Variants in GNAO1 observed in about 807,000 individuals in gnomAD.
The protein encoded by GNAO1 is G protein subunit alpha o1.
For synonymous variants in GNAO1, 164 were observed against 180.7 expected (o/e 0.91, Z 0.74); for missense variants, 166 against 478.7 (o/e 0.35, Z 6.10).
At chr16:56,267,464 G>T (rs142897542) in intron 2 of GNAO1, among the ~76,000 whole-genome samples, 1 of 152,060 alleles carries the variant, frequency 6.6e-6, no homozygotes, top group Non-Finnish European at 1.5e-5. Flanking sequence ...CACATTTCCC[G>T]AGCACTCTGT....
intron 6 of GNAO1, chr16:56,340,392 T>C (rs1185182343): frequency 6.4e-6 from 1 of 156,714 alleles, no homozygotes; most frequent in East Asian, 1.9e-4. Context: ...ACTGAATGCG[T>C]GCACCCTTCC....
chr16:56,279,604 C>G (rs373141773), intron 3 of GNAO1, among the ~76,000 whole-genome samples: 2 of 152,202 alleles, frequency 1.3e-5, no homozygotes, highest in East Asian at 3.9e-4. Context: ...ATGAAGCCTC[C>G]TTCCCTTTTC....
chr16:56,274,823 T>C (rs767089567), intron 2 of GNAO1, among the ~76,000 whole-genome samples: 2 of 152,228 alleles, frequency 1.3e-5, no homozygotes, highest in Non-Finnish European at 2.9e-5. Context: ...TGAAATGTTC[T>C]AAAATTAGAT....
intron 3 of GNAO1, among the ~76,000 whole-genome samples, chr16:56,285,408 A>AC (rs1370236856): frequency 6.6e-6 from 1 of 150,890 alleles, no homozygotes; most frequent in East Asian, 2.0e-4. Context: ...TTCTACCCCC[A>AC]CCAAACCCCC....
rs530050257 is a variant in GNAO1 at position 56,246,913 on chromosome 16, G to A, written c.162-29018G>A. 2.6e-5 allele frequency among the ~76,000 whole-genome samples: 4 copies of A among 152,336 alleles called. No individual in the cohort carries two copies. In the East Asian group the frequency reaches 7.7e-4, roughly 29 times the overall value. On this transcript the variant is annotated intron_variant, in intron 2 of 8. Transcript: ENST00000262493. Reference sequence around the variant, plus strand: ...TTAATCAAGTAGGGCTCTTCATTATGTAATGCCTTGTACATGCAAAAGATT... The same window carrying A: ...TTAATCAAGTAGGGCTCTTCATTATATAATGCCTTGTACATGCAAAAGATT...
chr16:56,239,292 C>A (rs1457183555), intron 2 of GNAO1, among the ~76,000 whole-genome samples: 2 of 152,232 alleles, frequency 1.3e-5, no homozygotes, highest in Non-Finnish European at 2.9e-5. Flanking sequence ...GAAAACCATG[C>A]AAAGTTGCAT....
chr16:56,346,522 A>G, intron 6 of GNAO1: 1 of 985,408 alleles, frequency 1.0e-6, no homozygotes, highest in Non-Finnish European at 1.2e-6. Flanking sequence ...CCTAAGAACC[A>G]GGTCTTGGCC....
In GNAO1 at chr16:56,290,867, T is replaced by A. The variant is rs375591820; in HGVS notation, c.303+14795T>A. On this transcript the variant is annotated intron_variant, in intron 3 of 8. Transcript: ENST00000262493. ...TCTGTCTCTATGGATTTGTCTATTC[T>A]GGACATTTTATATAAATGGAATCAT... Among the ~76,000 whole-genome samples the A allele has an allele frequency of 1.7e-3, 260 of 152,370 alleles. 7 individuals are homozygous for A. In the South Asian group the frequency reaches 0.052, roughly 30 times the overall value.
chr16:56,281,927 G>A (rs970055513), intron 3 of GNAO1, among the ~76,000 whole-genome samples: 7 of 152,206 alleles, frequency 4.6e-5, no homozygotes, highest in African/African-American at 1.7e-4. Flanking sequence ...TAAAATATAC[G>A]TGTGTATGTA....
chr16:56,272,340 C>G (rs530277587), intron 2 of GNAO1, among the ~76,000 whole-genome samples: 2 of 152,214 alleles, frequency 1.3e-5, no homozygotes, highest in South Asian at 4.1e-4. Flanking sequence ...TCTTGTTGTT[C>G]TGTATGGACC....
chr16:56,321,800 C>T (rs1417324848), intron 3 of GNAO1, among the ~76,000 whole-genome samples: 1 of 152,224 alleles, frequency 6.6e-6, no homozygotes, highest in African/African-American at 2.4e-5. Context: ...TCCTGCAGAA[C>T]TGCCTGGGCG....
chr16:56,199,861 T>C (rs1365748502), intron 2 of GNAO1, among the ~76,000 whole-genome samples: 1 of 152,216 alleles, frequency 6.6e-6, no homozygotes, highest in Non-Finnish European at 1.5e-5. Context: ...GTGCTTTTCA[T>C]AGCACCAAAA....
At chr16:56,206,515 T>C (rs1160749290) in intron 2 of GNAO1, among the ~76,000 whole-genome samples, 1 of 152,020 alleles carries the variant, frequency 6.6e-6, no homozygotes, top group Non-Finnish European at 1.5e-5. Context: ...ACATCAGTGG[T>C]TTCCAGGGAA....
chr16:56,195,023 A>C (rs890040996), intron 2 of GNAO1, among the ~76,000 whole-genome samples: 7 of 149,122 alleles, frequency 4.7e-5, no homozygotes, highest in African/African-American at 1.7e-4. Flanking sequence ...GTGATGTTTG[A>C]GATTGTTAAA....
chr16:56,250,673 C>T (rs562483294), intron 2 of GNAO1, among the ~76,000 whole-genome samples: 93 of 152,266 alleles, frequency 6.1e-4, no homozygotes, highest in African/African-American at 2.2e-3. Context: ...AAGTCTGGCT[C>T]CTGGGGCTGT....
chr16:56,229,534 A>G (rs1187223963), intron 2 of GNAO1, among the ~76,000 whole-genome samples: 1 of 152,092 alleles, frequency 6.6e-6, no homozygotes, highest in African/African-American at 2.4e-5. Flanking sequence ...CCCATGTGAA[A>G]ACAAGTACTG....
At chr16:56,253,968 T>G (rs2036823039) in intron 2 of GNAO1, among the ~76,000 whole-genome samples, 1 of 152,258 alleles carries the variant, frequency 6.6e-6, no homozygotes, top group South Asian at 2.1e-4. Context: ...TGTTAAATGT[T>G]CCCATTTAAG....
intron 2 of GNAO1, among the ~76,000 whole-genome samples, chr16:56,265,144 G>A (rs2036940170): frequency 6.6e-6 from 1 of 152,240 alleles, no homozygotes; most frequent in Non-Finnish European, 1.5e-5. Context: ...ATCTGAAGCT[G>A]GAAAGAGCTC....
chr16:56,229,586 A>G (rs1295772805), intron 2 of GNAO1, among the ~76,000 whole-genome samples: 5 of 152,112 alleles, frequency 3.3e-5, no homozygotes, highest in East Asian at 3.9e-4. Flanking sequence ...GCTGACAACC[A>G]GGCACTGTTC....
Sources: gnomAD v4.1 joint callset for allele counts (sites outside exome capture counted in the v4.1 genomes callset) on GRCh38, gnomAD v4.1.1 for gene constraint, MANE v1.5 for transcripts, NCBI Gene and HGNC (gene_info 2026-07-23, HGNC 2026-07-21) for gene names.